The following RIOX2 variants were observed in gnomAD, a reference collection of about 807,000 sequenced individuals.
The protein encoded by RIOX2 is 60S ribosomal protein L27a histidine hydroxylase.
In RIOX2, 43 loss-of-function variants were observed where a neutral mutation model predicts 51.2. The observed-to-expected ratio is 0.84, with a 90% confidence interval of 0.66 to 1.08. The LOEUF (loss-of-function observed/expected upper bound fraction) is 1.08. Among genes scored for constraint, RIOX2 ranks in the 50% least tolerant of loss-of-function variants. The pLI, the probability that RIOX2 is intolerant of heterozygous loss-of-function variation, is 0.00. For missense variants in RIOX2, 566 were observed against 561.7 expected, an observed-to-expected ratio of 1.01 and a Z score of -0.08; for synonymous variants, 226 against 218.5, an observed-to-expected ratio of 1.03 and a Z score of -0.30.
At chr3:97,963,127 G>C (rs1478814328) in intron 2 of RIOX2, among the ~76,000 whole-genome samples, 1 of 152,114 alleles carries the variant, frequency 6.6e-6, no homozygotes, top group Non-Finnish European at 1.5e-5. Context: ...TATGAAAAAA[G>C]ACTTTTTTAA....
chr3:97,954,082 G>C (rs1411485674), intron 5 of RIOX2: 1 of 265,014 alleles, frequency 3.8e-6, no homozygotes, highest in African/African-American at 2.1e-5. Flanking sequence ...GAGAGTATGA[G>C]CCCAGCCTGG....
chr3:97,947,388 G>A lies in RIOX2; in HGVS notation c.1122C>T (p.Leu374=). ...ATTGATCTTGATCCGGCAGTACTGT[G>A]AGGACAATGTGGTCTTTAAACTGCA... The part of the protein sequence containing the change: ...VRLQFKDHIV[L]TVLPDQDQSD... Residue 374 remains leucine, a synonymous_variant, in exon 8 of 10, where the codon CTC becomes CTT. Transcript: ENST00000394198. 6.2e-7 allele frequency: 1 copy of A among 1,613,382 alleles called. No individual in the cohort carries two copies. Among genetic ancestry groups the A allele is most frequent in the Non-Finnish European group, 8.5e-7 (1 of 1,179,470 alleles).
At chr3:97,967,798 A>G (rs1705951062) in intron 1 of RIOX2, among the ~76,000 whole-genome samples, 166 bp from the exon 2 acceptor site, 1 of 152,166 alleles carries the variant, frequency 6.6e-6, no homozygotes. Flanking sequence ...AGCCAATGCC[A>G]TTTCTTCTAA....
In RIOX2 at chr3:97,947,437, G is replaced by C. The variant is rs117990049; in HGVS notation, c.1073C>G (p.Pro358Arg). 114 of 1,612,746 alleles carry C rather than the reference G, an allele frequency of 7.1e-5. No individual in the cohort carries two copies. Among genetic ancestry groups the C allele is most frequent in the Non-Finnish European group, 9.2e-5 (109 of 1,179,266 alleles). ...CAGTCTCACTACACTGTCCAGCCTC[G>C]GTAACTTTCCACCTAGAAAACCCCA... Reference protein sequence around the residue: ...AELSTPGGKLPRLDSVVRLQF... With the variant: ...AELSTPGGKLRRLDSVVRLQF... Residue 358 changes from proline to arginine, a missense_variant, in exon 8 of 10, where the codon CCG becomes CGG. By Grantham distance (103) the Pro-to-Arg change is moderately radical. Coordinates refer to ENST00000394198, the MANE Select transcript of RIOX2 (RefSeq NM_153182.4).
At position 97,950,851 on chromosome 3, in the gene RIOX2, G is replaced by A; in HGVS notation, c.823C>T (p.Leu275Phe). The change falls in exon 6 of 10, where the codon CTT becomes TTT. Residue 275 changes from leucine to phenylalanine, a missense_variant. Leu to Phe is a conservative substitution (Grantham distance 22). Transcript: ENST00000394198. ...GDFLLDTISG[L>F]VFDTAKEDVE... ...TCTTCCTTTGCAGTATCAAATACAA[G>A]CCCCGAGATGGTATCCAAAAGGAAA... is the stretch of plus-strand genomic sequence containing the variant. 1.9e-6 allele frequency: 3 copies of A among 1,613,662 alleles called. No individual in the cohort carries two copies. Among genetic ancestry groups the A allele is most frequent in the Non-Finnish European group, 2.5e-6 (3 of 1,179,796 alleles).
intron 5 of RIOX2, among the ~76,000 whole-genome samples, chr3:97,953,498 A>C (rs1224187266): frequency 6.6e-6 from 1 of 151,880 alleles, no homozygotes; most frequent in East Asian, 1.9e-4. Context: ...TCCTGCCTCA[A>C]CCTCCAGAGT....
chr3:97,970,596 G>T (rs768755626), intron 1 of RIOX2, among the ~76,000 whole-genome samples: 21 of 152,198 alleles, frequency 1.4e-4, no homozygotes, highest in Non-Finnish European at 2.8e-4. Flanking sequence ...ACAATGCTTT[G>T]TCTAGAATAG....
chr3:97,961,504 T>C (rs1465935662), intron 3 of RIOX2, 85 bp downstream of exon 3: 15 of 1,426,312 alleles, frequency 1.1e-5, no homozygotes, highest in Non-Finnish European at 1.1e-5. Flanking sequence ...TAGAGAATAA[T>C]GTGAACTCAC....
chr3:97,960,775 T>A (rs1705647182), intron 3 of RIOX2, among the ~76,000 whole-genome samples: 1 of 152,148 alleles, frequency 6.6e-6, no homozygotes, highest in Non-Finnish European at 1.5e-5. Flanking sequence ...AAATCTTCTA[T>A]CAGACAGCTA....
At position 97,949,899 on chromosome 3, in the gene RIOX2, A is replaced by G; in HGVS notation, c.1005T>C (p.Ile335=). 6.2e-7 allele frequency: 1 copy of G among 1,613,882 alleles called. No individual in the cohort carries two copies. Among genetic ancestry groups the G allele is most frequent in the East Asian group, 2.2e-5 (1 of 44,862 alleles). ...CAGAGTAAGGGGGGAGTCTGTGCAT[A>G]ATAAAATCCTTCTTCATGTCTGAGG... ...LLSSDMKKDF[I]MHRLPPYSAG... is the part of the protein sequence containing the mutation. Residue 335 remains isoleucine (I), a synonymous_variant, in exon 7 of 10, where the codon ATT becomes ATC. Coordinates refer to ENST00000394198, the MANE Select transcript of RIOX2 (RefSeq NM_153182.4).
intron 4 of RIOX2, among the ~76,000 whole-genome samples, chr3:97,958,217 CA>C (rs530842058): frequency 6.6e-6 from 1 of 152,122 alleles, no homozygotes; most frequent in South Asian, 2.1e-4. Flanking sequence ...AACTTCGAGA[CA>C]CAAGAAAAAC....
At position 97,942,624 on chromosome 3, in the gene RIOX2, C is replaced by A; in HGVS notation, c.*2560G>T. The A allele has an allele frequency of 1.8e-6, 1 of 563,736 alleles. No individual in the cohort carries two copies. 34.9% of individuals were successfully genotyped at this position (563,736 alleles called of 1,614,324 possible). On this transcript the variant is annotated 3_prime_UTR_variant, in exon 10 of 10. Transcript: ENST00000394198. ...AAAACAATTAGCAGAAAAAGCCAAACAACAAAGCTTAGGGTTTTTGTTCAT... is the reference window on the plus strand; with the variant it reads ...AAAACAATTAGCAGAAAAAGCCAAAAAACAAAGCTTAGGGTTTTTGTTCAT...
intron 2 of RIOX2, among the ~76,000 whole-genome samples, chr3:97,965,668 C>T (rs1705862996): frequency 1.3e-5 from 2 of 152,190 alleles, no homozygotes; most frequent in African/African-American, 2.4e-5. Flanking sequence ...GAGGAATGTG[C>T]AGCACTTAAG....
intron 4 of RIOX2, among the ~76,000 whole-genome samples, chr3:97,958,372 C>T (rs1355235356): frequency 5.9e-5 from 9 of 152,182 alleles, no homozygotes; most frequent in Admixed American, 1.3e-4. Flanking sequence ...ATCCATGTAA[C>T]GTTCTTTTCC....
At chr3:97,947,493 A>ACAGG in intron 7 of RIOX2, 44 bp from the exon 8 acceptor site, 1 of 1,507,256 alleles carries the variant, frequency 6.6e-7, no homozygotes, top group Non-Finnish European at 9.2e-7. Context: ...AAAAAAGGAA[A>ACAGG]CAGGCAGATT....
intron 5 of RIOX2, chr3:97,952,199 T>A (rs953717295): frequency 1.6e-6 from 2 of 1,289,668 alleles, no homozygotes. Flanking sequence ...ACAGGATCAT[T>A]TCTGGGGAGC....
At chr3:97,960,544 G>A (rs1443699059) in intron 3 of RIOX2, among the ~76,000 whole-genome samples, 2 of 152,074 alleles carry the variant, frequency 1.3e-5, no homozygotes, top group Admixed American at 6.5e-5. Context: ...ACTGCATGAG[G>A]TGTTGGCACC....
rs1172305251 is a variant in RIOX2 at position 97,945,855 on chromosome 3, A to T, written c.1182T>A (p.Tyr394Ter). The T allele has an allele frequency of 1.2e-6, 2 of 1,610,438 alleles. No homozygotes were observed. Among genetic ancestry groups the T allele is most frequent in the Admixed American group, 3.3e-5 (2 of 59,820 alleles). The change falls in exon 9 of 10, where the codon TAT becomes TAA. Residue 394 changes from tyrosine to a stop codon, truncating the protein, a stop_gained. Coordinates refer to ENST00000394198, the MANE Select transcript of RIOX2 (RefSeq NM_153182.4). LOFTEE classifies it high-confidence loss of function. Reference sequence around the variant, plus strand: ...TCTCTCTACTATTCTTTAAGGAATGATAGATGTACACCATCTTTTCTTGAG... The same window carrying T: ...TCTCTCTACTATTCTTTAAGGAATGTTAGATGTACACCATCTTTTCTTGAG... ...DEAQEKMVYI[Y>*]HSLKNSRETH...
intron 3 of RIOX2, among the ~76,000 whole-genome samples, chr3:97,959,695 T>C (rs1705603326): frequency 6.6e-6 from 1 of 152,104 alleles, no homozygotes; most frequent in Admixed American, 6.5e-5. Context: ...TGGAGGAGAT[T>C]TGCAACAATT....
Sources: allele counts gnomAD v4.1 joint callset (sites outside exome capture counted in the v4.1 genomes callset), GRCh38; gene constraint gnomAD v4.1.1; transcripts MANE v1.5; gene names NCBI Gene and HGNC (gene_info 2026-07-23, HGNC 2026-07-21).